The following CABLES2 variants were observed in gnomAD, a reference collection of about 807,000 sequenced individuals.
CABLES2 encodes the protein Cdk5 and Abl enzyme substrate 2.
A neutral mutation model predicts 44.8 loss-of-function variants in CABLES2; 35 were observed. The observed-to-expected ratio is 0.78, with a 90% CI of 0.60 to 1.04. The LOEUF is 1.04. CABLES2 is among the 50% of genes least tolerant of loss of function. The pLI, the probability that CABLES2 is intolerant of heterozygous loss-of-function variation, is 0.00. For missense variants in CABLES2, 566 were observed against 615.7 expected, an observed-to-expected ratio of 0.92 and a Z score of 0.85; for synonymous variants, 282 against 281.1, an observed-to-expected ratio of 1.00 and a Z score of -0.03.
At position 62,390,647 on chromosome 20, in the gene CABLES2, G is replaced by A. The variant is rs542703635; in HGVS notation, c.*324C>T. 1.3e-4 allele frequency: 46 copies of A among 358,234 alleles called. No homozygotes were observed. In the Middle Eastern group the frequency reaches 4.3e-3, roughly 34 times the overall value. The allele number at this position is 358,234 out of a possible 1,614,324, so 22.2% of individuals were successfully genotyped here. On this transcript the variant is annotated 3_prime_UTR_variant, in exon 10 of 10. Transcript: ENST00000279101. ...CACTGCAGCCGGCTCGCTGCTGCAC[G>A]CTGTGAACAAAAGGTCCTGGTACCA...
intron 1 of CABLES2, among the ~76,000 whole-genome samples, chr20:62,398,270 G>GTGATGTGATGGTGGTGGTGGTGA (rs1569018003): frequency 1.7e-5 from 2 of 116,734 alleles, no homozygotes; most frequent in African/African-American, 3.7e-5. Context: ...GATGGTGATG[G>GTGATGTGATGGTGGTGGTGGTGA]CGGTGGTGGT....
At position 62,390,638 on chromosome 20, in the gene CABLES2, C is replaced by A. The variant is rs1987897164; in HGVS notation, c.*333G>T. 5.9e-6 allele frequency: 2 copies of A among 337,294 alleles called. No individual in the cohort carries two copies. The highest frequency in any genetic ancestry group is 1.1e-5 in the Non-Finnish European group (2 of 177,656). 20.9% of individuals were successfully genotyped at this position (337,294 alleles called of 1,614,324 possible). On this transcript the variant is annotated 3_prime_UTR_variant, in exon 10 of 10. Coordinates refer to ENST00000279101, the MANE Select transcript of CABLES2 (RefSeq NM_031215.3). Reference sequence around the variant, plus strand: ...GGGGAGACACACTGCAGCCGGCTCGCTGCTGCACGCTGTGAACAAAAGGTC... The same window carrying A: ...GGGGAGACACACTGCAGCCGGCTCGATGCTGCACGCTGTGAACAAAAGGTC...
chr20:62,406,836 C>T, intron 1 of CABLES2, 79 bp downstream of exon 1: 2 of 831,554 alleles, frequency 2.4e-6, no homozygotes, highest in Non-Finnish European at 3.1e-6. Context: ...ATCCTGACCC[C>T]TAGTCCTGGG....
In CABLES2 at chr20:62,390,772, G is replaced by C; in HGVS notation, c.*199C>G. The stretch of plus-strand genomic sequence containing the variant: ...TCTCAGAAATCCCCTCGGAGGGACG[G>C]TGCACTTGGGGATGAAAGCGACGTC... On this transcript the variant is annotated 3_prime_UTR_variant, in exon 10 of 10. Transcript: ENST00000279101. 1.7e-6 allele frequency: 1 copy of C among 601,010 alleles called. No individual in the cohort carries two copies. Among genetic ancestry groups the C allele is most frequent in the Non-Finnish European group, 2.9e-6 (1 of 340,136 alleles). The allele number at this position is 601,010 out of a possible 1,614,324, so 37.2% of individuals were successfully genotyped here.
rs781008565 is a variant in CABLES2 at position 62,396,501 on chromosome 20, G to A, written c.434+20C>T. ...AGCCCGAGCGGAGTCGTAGAGCTCG[G>A]GGCGGACGGGGGCGTGTACCTCTGT... On this transcript the variant is annotated intron_variant, in intron 2 of 9. Transcript: ENST00000279101. This position sits in a 1 kb window ranked among gnomAD's most constrained non-coding sequence, Gnocchi z 5.7. The A allele has an allele frequency of 6.2e-7, 1 of 1,613,776 alleles. No individual in the cohort carries two copies. The highest frequency in any genetic ancestry group is 1.7e-5 in the Admixed American group (1 of 60,016).
chr20:62,398,029 T>TGAC (rs1988072855), intron 1 of CABLES2, among the ~76,000 whole-genome samples: 1 of 139,632 alleles, frequency 7.2e-6, no homozygotes, highest in Non-Finnish European at 1.5e-5. Flanking sequence ...GTGGTGGTGG[T>TGAC]GACAGTGATG....
chr20:62,398,058 A>G (rs1466505308), intron 1 of CABLES2, among the ~76,000 whole-genome samples: 28 of 77,256 alleles, frequency 3.6e-4, no homozygotes, highest in Admixed American at 5.2e-4. Context: ...GGTGATGGCG[A>G]TGGTGGTGGT....
At chr20:62,402,907 A>T (rs1988215429) in intron 1 of CABLES2, 1 of 152,210 alleles carries the variant, frequency 6.6e-6, no homozygotes, top group Non-Finnish European at 1.5e-5. Flanking sequence ...CCCCCAAATC[A>T]CGCTTGTAAA....
chr20:62,390,919 T>G lies in CABLES2; in HGVS notation c.*52A>C, dbSNP rs1987903093. 1 of 1,602,918 alleles carries G rather than the reference T, an allele frequency of 6.2e-7. No homozygotes were observed. The highest frequency in any genetic ancestry group is 1.3e-5 in the African/African-American group (1 of 74,680). On this transcript the variant is annotated 3_prime_UTR_variant, in exon 10 of 10. Transcript: ENST00000279101. ...AGGCGCGGGGCTTCAGTGGGACACC[T>G]CCCAGGCCGGCAAGTGCACCTCGGT... is the stretch of plus-strand genomic sequence containing the variant.
At chr20:62,399,350 G>T (rs1448130953) in intron 1 of CABLES2, among the ~76,000 whole-genome samples, 2 of 151,650 alleles carry the variant, frequency 1.3e-5, no homozygotes, top group Non-Finnish European at 2.9e-5. Context: ...AGCTTCAAGT[G>T]ATTTTCCTGC....
In CABLES2 at chr20:62,392,418, A is replaced by C. The variant is rs772369022; in HGVS notation, c.1062T>G (p.His354Gln). 1.9e-6 allele frequency: 3 copies of C among 1,613,916 alleles called. No individual in the cohort carries two copies. The highest frequency in any genetic ancestry group is 2.7e-5 in the African/African-American group (2 of 74,908). Reference protein sequence around the residue: ...MNETFREKFPHVKLTLSKIRS... With the variant: ...MNETFREKFPQVKLTLSKIRS... Reference sequence around the variant, plus strand: ...TGATTTTGCTCAGCGTCAGTTTGACATGGGGGAACTTCTCCCTGAAGGTCT... The same window carrying C: ...TGATTTTGCTCAGCGTCAGTTTGACCTGGGGGAACTTCTCCCTGAAGGTCT... The change falls in exon 8 of 10, where the codon CAT becomes CAG. Residue 354 changes from histidine to glutamine, a missense_variant. Transcript: ENST00000279101.
chr20:62,394,564 CACT>C (rs1269415884), intron 4 of CABLES2, among the ~76,000 whole-genome samples: 4 of 152,144 alleles, frequency 2.6e-5, no homozygotes, highest in South Asian at 2.1e-4. Context: ...GTTTCTCCAC[CACT>C]GTTTTTAAGC....
intron 1 of CABLES2, among the ~76,000 whole-genome samples, chr20:62,398,234 G>GA: frequency 7.5e-6 from 1 of 134,116 alleles, no homozygotes; most frequent in African/African-American, 3.0e-5. Context: ...GGTGGTGACG[G>GA]TGGTGATGAT....
Position 62,407,012 on chromosome 20 carries a change from G to A in CABLES2, c.265C>T (p.Pro89Ser). The change falls in exon 1 of 10, where the codon CCC becomes TCC. Residue 89 changes from proline (P) to serine (S), a missense_variant. Coordinates refer to ENST00000279101, the MANE Select transcript of CABLES2 (RefSeq NM_031215.3). ...GTCCTGGCGGGCAGCCCGGTGGGGGGCTCCGGCGGCGGCGGCGCTGGCGGT... is the reference window on the plus strand; with the variant it reads ...GTCCTGGCGGGCAGCCCGGTGGGGGACTCCGGCGGCGGCGGCGCTGGCGGT... The part of the protein sequence containing the change: ...REPPAPPPPE[P>S]PTGLPARTPA... 2.6e-6 allele frequency: 3 copies of A among 1,175,580 alleles called. No homozygotes were observed. Among genetic ancestry groups the A allele is most frequent in the Non-Finnish European group, 3.2e-6 (3 of 951,716 alleles). The allele number at this position is 1,175,580 out of a possible 1,614,324, so 72.8% of individuals were successfully genotyped here. A position where few individuals can be genotyped will look rare whatever the true frequency, so the allele number is the denominator to read the frequency against.
At chr20:62,393,044 G>C (rs945124326) in intron 6 of CABLES2, 21 bp from the exon 7 acceptor site, 2 of 1,595,756 alleles carry the variant, frequency 1.3e-6, no homozygotes, top group Admixed American at 3.3e-5. Context: ...GGCAACCCCT[G>C]ACCCACCAGG....
Position 62,388,691 on chromosome 20 carries a change from G to A in CABLES2, c.*2280C>T. On this transcript the variant is annotated 3_prime_UTR_variant, in exon 10 of 10. Transcript: ENST00000279101. ...TATCCATTTAAAAACAGATATCTAA[G>A]ACAAAATAACTCAAACATTCTGAGG... 1.7e-6 allele frequency: 1 copy of A among 589,548 alleles called. No individual in the cohort carries two copies. The highest frequency in any genetic ancestry group is 2.1e-5 in the South Asian group (1 of 48,600). 36.5% of individuals were successfully genotyped at this position (589,548 alleles called of 1,614,324 possible). A position where few individuals can be genotyped will look rare whatever the true frequency, so the allele number is the denominator to read the frequency against.
chr20:62,393,060 T>A (rs781337554), intron 6 of CABLES2, 37 bp from the exon 7 acceptor site: 1 of 1,564,714 alleles, frequency 6.4e-7, no homozygotes, highest in Non-Finnish European at 8.8e-7. Flanking sequence ...CCAGGAGTCT[T>A]GAGCAGTACC....
rs199572235 is a variant in CABLES2, at chr20:62,391,012, G to C, written c.1396C>G (p.Gln466Glu). 1.8e-5 allele frequency: 29 copies of C among 1,614,034 alleles called. No homozygotes were observed. The highest frequency in any genetic ancestry group is 2.5e-5 in the Non-Finnish European group (29 of 1,180,036). Residue 466 changes from glutamine (Q) to glutamate (E), a missense_variant, in exon 10 of 10, where the codon CAA (glutamine) becomes GAA (glutamate). Gln to Glu is a conservative substitution (Grantham distance 29). Coordinates refer to ENST00000279101, the MANE Select transcript of CABLES2 (RefSeq NM_031215.3). The surrounding 1 kb of genome is among the most constrained non-coding windows in gnomAD (Gnocchi z 5.7). ...AGGCGCCTGTAATGAGGTAACACTT[G>C]GTTCTCGGGAAGATACAGGGCCAGC... ...LELALYLPEN[Q>E]VLPHYRRLTQ... is the part of the protein sequence containing the mutation.
At chr20:62,397,972 CAGTGGTGAT>C (rs1569017253) in intron 1 of CABLES2, among the ~76,000 whole-genome samples, 1 of 51,704 alleles carries the variant, frequency 1.9e-5, no homozygotes, top group Non-Finnish European at 3.7e-5. Flanking sequence ...ATGGTGGTGA[CAGTGGTGAT>C]GGCGGTGGTG....
Sources: allele counts gnomAD v4.1 joint callset (sites outside exome capture counted in the v4.1 genomes callset), GRCh38; gene constraint gnomAD v4.1.1; non-coding constraint Gnocchi (gnomAD v3.1); transcripts MANE v1.5; gene names NCBI Gene and HGNC (gene_info 2026-07-23, HGNC 2026-07-21).